SPEF2: variants seen among roughly 807,000 people sequenced by gnomAD.
The protein encoded by SPEF2 is sperm flagellar and cilia associated 2.
SPEF2 carries 187 observed loss-of-function variants against 224.6 expected under a neutral mutation model. The observed-to-expected ratio is 0.83, with a 90% CI of 0.74 to 0.94. The LOEUF is 0.94. SPEF2 is among the 40% of genes least tolerant of loss of function. The pLI is 0.00. For synonymous variants in SPEF2, 715 were observed against 707.3 expected, an observed-to-expected ratio of 1.01 and a Z score of -0.17; for missense variants, 2,170 against 2,135.6, an observed-to-expected ratio of 1.02 and a Z score of -0.32.
At chr5:35,757,060 A>G (rs1750552509) in intron 24 of SPEF2, among the ~76,000 whole-genome samples, 1 of 152,012 alleles carries the variant, frequency 6.6e-6, no homozygotes, top group Non-Finnish European at 1.5e-5. Flanking sequence ...ACTATTAAAA[A>G]TATTGTTTTT....
intron 16 of SPEF2, among the ~76,000 whole-genome samples, chr5:35,703,058 A>G (rs1461722273): frequency 6.6e-6 from 1 of 151,876 alleles, no homozygotes; most frequent in Non-Finnish European, 1.5e-5. Context: ...TATCTCTGAA[A>G]GAAAAAAAAA....
At chr5:35,712,030 T>C (rs982648558) in intron 19 of SPEF2, among the ~76,000 whole-genome samples, 3 of 152,126 alleles carry the variant, frequency 2.0e-5, no homozygotes, top group Non-Finnish European at 4.4e-5. Context: ...GTTTTCCAAT[T>C]TCTCCCTTCC....
chr5:35,690,433 A>G (rs1754278451), intron 10 of SPEF2, among the ~76,000 whole-genome samples: 1 of 152,174 alleles, frequency 6.6e-6, no homozygotes, highest in Non-Finnish European at 1.5e-5. Context: ...TTACTCTTTC[A>G]TACAAGAATT....
chr5:35,664,658 A>G (rs989080845), intron 8 of SPEF2, among the ~76,000 whole-genome samples: 1 of 150,046 alleles, frequency 6.7e-6, no homozygotes, highest in African/African-American at 2.4e-5. Context: ...CCAGCTCTGG[A>G]TGACAGCAAG....
At chr5:35,689,563 A>G (rs777684085) in intron 10 of SPEF2, among the ~76,000 whole-genome samples, 13 of 152,116 alleles carry the variant, frequency 8.5e-5, no homozygotes, top group Non-Finnish European at 1.8e-4. Flanking sequence ...ATGTCCATGT[A>G]TACTCAATGT....
At chr5:35,648,375 GT>G (rs529933313) in intron 5 of SPEF2, among the ~76,000 whole-genome samples, 31 of 143,530 alleles carry the variant, frequency 2.2e-4, no homozygotes, top group African/African-American at 7.9e-4. Flanking sequence ...TTTTTTTTTT[GT>G]TTTTTTTTGT....
chr5:35,661,232 G>T (rs532267668), intron 8 of SPEF2, among the ~76,000 whole-genome samples: 38 of 127,918 alleles, frequency 3.0e-4, no homozygotes, highest in African/African-American at 1.0e-3. Flanking sequence ...GTGAAGAAAG[G>T]AGGTTTTTTT....
At chr5:35,658,158 A>C (rs1749203253) in intron 7 of SPEF2, among the ~76,000 whole-genome samples, 1 of 152,182 alleles carries the variant, frequency 6.6e-6, no homozygotes, top group South Asian at 2.1e-4. Flanking sequence ...AATTTTACCT[A>C]ATGAGAAATA....
intron 3 of SPEF2, 105 bp downstream of exon 3, chr5:35,641,788 T>A: frequency 8.3e-7 from 1 of 1,207,468 alleles, no homozygotes; most frequent in South Asian, 1.6e-5. Flanking sequence ...GGCATATATA[T>A]CCTTTATGTA....
At chr5:35,747,818 T>G (rs1169425462) in intron 23 of SPEF2, among the ~76,000 whole-genome samples, 2 of 152,052 alleles carry the variant, frequency 1.3e-5, no homozygotes, top group Non-Finnish European at 2.9e-5. Context: ...TTTAAACTAT[T>G]GCTTGGAACA....
At chr5:35,652,324 A>G (rs930989344) in intron 6 of SPEF2, among the ~76,000 whole-genome samples, 1 of 152,174 alleles carries the variant, frequency 6.6e-6, no homozygotes, top group Non-Finnish European at 1.5e-5. Context: ...AGAGCTATTA[A>G]CCCACGCTCA....
intron 15 of SPEF2, chr5:35,699,374 G>C (rs543772134): frequency 6.6e-6 from 1 of 152,286 alleles, no homozygotes; most frequent in African/African-American, 2.4e-5. Flanking sequence ...TTGTTTTCCA[G>C]CTGCAAATTA....
At chr5:35,754,173 TAA>T (rs1468336475) in intron 24 of SPEF2, among the ~76,000 whole-genome samples, 2 of 151,942 alleles carry the variant, frequency 1.3e-5, no homozygotes, top group Admixed American at 1.3e-4. Flanking sequence ...TTCCTGAAAA[TAA>T]AAAGTTTTCC....
At position 35,707,030 on chromosome 5, in the gene SPEF2, C is replaced by T. The variant is rs117660978; in HGVS notation, c.2665+1222C>T. Among the ~76,000 whole-genome samples the T allele has an allele frequency of 5.1e-3, 773 of 152,284 alleles. 20 individuals carry two copies. The highest frequency in any genetic ancestry group is 0.034 in the Admixed American group (525 of 15,290). On this transcript the variant is annotated intron_variant, in intron 18 of 36. Coordinates refer to ENST00000356031, the MANE Select transcript of SPEF2 (RefSeq NM_024867.4). ...TAAAGAGTTTGCATTCTAATATTCA[C>T]TGACTACATTAATAGACTCAGTTAT... is the stretch of plus-strand genomic sequence containing the variant.
chr5:35,775,031 A>T (rs1419761876), intron 28 of SPEF2, among the ~76,000 whole-genome samples: 1 of 152,202 alleles, frequency 6.6e-6, no homozygotes, highest in Non-Finnish European at 1.5e-5. Flanking sequence ...ACAAATGATT[A>T]TTGACTTTCC....
intron 12 of SPEF2, among the ~76,000 whole-genome samples, chr5:35,693,225 G>A (rs1754782899): frequency 6.6e-6 from 1 of 152,138 alleles, no homozygotes; most frequent in African/African-American, 2.4e-5. Flanking sequence ...TGTATAGTCA[G>A]GGACCAATGC....
chr5:35,708,899 A>G, intron 18 of SPEF2, 49 bp from the exon 19 acceptor site: 1 of 1,478,966 alleles, frequency 6.8e-7, no homozygotes, highest in Non-Finnish European at 9.2e-7. Flanking sequence ...GTGAAATAGT[A>G]GATTTCTAGA....
intron 26 of SPEF2, among the ~76,000 whole-genome samples, chr5:35,771,184 C>G (rs73747965): frequency 0.036 from 5,534 of 151,844 alleles, 295 homozygotes; most frequent in South Asian, 0.12. Context: ...TGTAGGGGAT[C>G]AGTTATCAAA....
intron 10 of SPEF2, among the ~76,000 whole-genome samples, chr5:35,688,713 C>T (rs1224756264): frequency 6.6e-6 from 1 of 152,018 alleles, no homozygotes; most frequent in Non-Finnish European, 1.5e-5. Context: ...TATTATGACC[C>T]TGGGAAAATA....
Sources: allele counts gnomAD v4.1 joint callset (sites outside exome capture counted in the v4.1 genomes callset), GRCh38; gene constraint gnomAD v4.1.1; transcripts MANE v1.5; gene names NCBI Gene and HGNC (gene_info 2026-07-23, HGNC 2026-07-21).